BORCS5: variants seen among roughly 807,000 people sequenced by gnomAD.
BORCS5 encodes BLOC-1 related complex subunit 5.
Under a neutral mutation model 22.1 loss-of-function variants are expected in BORCS5, and 17 were observed. That is an observed-to-expected ratio of 0.77 (90% CI 0.53 to 1.15). BORCS5 has a LOEUF of 1.15. BORCS5 is among the 50% of genes most tolerant of loss of function. The pLI, the probability that BORCS5 is intolerant of heterozygous loss-of-function variation, is 0.00. For synonymous variants in BORCS5, 117 were observed against 99.8 expected, an observed-to-expected ratio of 1.17 and a Z score of -1.03; for missense variants, 247 against 253.2, an observed-to-expected ratio of 0.98 and a Z score of 0.17.
At chr12:12,455,162 C>T (rs1942975950) in intron 3 of BORCS5, among the ~76,000 whole-genome samples, 1 of 152,214 alleles carries the variant, frequency 6.6e-6, no homozygotes, top group African/African-American at 2.4e-5. Context: ...AATTACATAT[C>T]ACTGCCTGCT....
intron 3 of BORCS5, among the ~76,000 whole-genome samples, chr12:12,465,114 C>T (rs895164322): frequency 2.0e-5 from 3 of 152,062 alleles, no homozygotes; most frequent in Admixed American, 1.3e-4. Context: ...TGGGATTACA[C>T]GCACACACCA....
intron 3 of BORCS5, among the ~76,000 whole-genome samples, chr12:12,444,841 G>C (rs1942752163): frequency 6.6e-6 from 1 of 152,170 alleles, no homozygotes; most frequent in African/African-American, 2.4e-5. Flanking sequence ...TTTTAGAGCA[G>C]GGTTGTCCAA....
At chr12:12,385,182 G>T (rs1863854658) in intron 2 of BORCS5, among the ~76,000 whole-genome samples, 1 of 151,486 alleles carries the variant, frequency 6.6e-6, no homozygotes, top group Non-Finnish European at 1.5e-5. Flanking sequence ...CACGTGACTG[G>T]TTGCACCCTT....
intron 2 of BORCS5, among the ~76,000 whole-genome samples, chr12:12,409,092 A>AT (rs34266185): frequency 6.2e-4 from 93 of 149,974 alleles, no homozygotes; most frequent in African/African-American, 2.0e-3. Context: ...CTTTGCCATC[A>AT]TTTTTTTTTG....
In BORCS5 at chr12:12,362,636, C is replaced by CTTTTTTT. The variant is rs71436712; in HGVS notation, c.202+1307_202+1313dup. On this transcript the variant is annotated intron_variant, in intron 2 of 3. Coordinates refer to ENST00000314565, the MANE Select transcript of BORCS5 (RefSeq NM_058169.6). ...CAACACATTATATCATGTTACTCATCTTTTTTTTTTTTTTTTTTTTTTTTT... is the reference window on the plus strand; with the variant it reads ...CAACACATTATATCATGTTACTCATCTTTTTTTTTTTTTTTTTTTTTTTTTTTTTTTT... Among the ~76,000 whole-genome samples the CTTTTTTT allele has an allele frequency of 2.0e-3, 117 of 57,572 alleles. 21 individuals are homozygous for CTTTTTTT. Among genetic ancestry groups the CTTTTTTT allele is most frequent in the Non-Finnish European group, 3.0e-3 (87 of 29,468 alleles). The allele number at this position is 57,572 out of a possible 152,430, so 37.8% of individuals were successfully genotyped here.
chr12:12,411,930 A>G (rs2136086930), intron 2 of BORCS5, among the ~76,000 whole-genome samples: 1 of 152,234 alleles, frequency 6.6e-6, no homozygotes, highest in East Asian at 1.9e-4. Context: ...CAACAATCAT[A>G]TGACTTTATA....
chr12:12,364,526 A>G (rs1160501565), intron 2 of BORCS5, among the ~76,000 whole-genome samples: 1 of 152,236 alleles, frequency 6.6e-6, no homozygotes, highest in South Asian at 2.1e-4. Flanking sequence ...TGGCAGAGGC[A>G]GAAGAAAATC....
At chr12:12,449,249 A>G (rs1942856848) in intron 3 of BORCS5, among the ~76,000 whole-genome samples, 1 of 152,118 alleles carries the variant, frequency 6.6e-6, no homozygotes, top group South Asian at 2.1e-4. Context: ...TTGGTTACAG[A>G]CGGGGCCTTT....
At chr12:12,381,288 A>G (rs1863770346) in intron 2 of BORCS5, among the ~76,000 whole-genome samples, 1 of 151,334 alleles carries the variant, frequency 6.6e-6, no homozygotes, top group South Asian at 2.1e-4. Flanking sequence ...CAGTGTATCA[A>G]TATTTTTAAT....
chr12:12,375,610 C>G (rs888570035), intron 2 of BORCS5, among the ~76,000 whole-genome samples: 2 of 152,130 alleles, frequency 1.3e-5, no homozygotes, highest in African/African-American at 4.8e-5. Flanking sequence ...CAGAGTGAGA[C>G]CCTGTCTCTG....
At chr12:12,458,578 C>CTTTTT (rs57810545) in intron 3 of BORCS5, among the ~76,000 whole-genome samples, 5 of 139,654 alleles carry the variant, frequency 3.6e-5, no homozygotes, top group African/African-American at 8.0e-5. Context: ...CTTTTCTTTC[C>CTTTTT]TTTTTTTTTT....
Position 12,367,097 on chromosome 12 carries a change from C to G in BORCS5, c.202+5748C>G, listed in dbSNP as rs1251830165. Reference sequence around the variant, plus strand: ...GAGCCTGGGGCTTTTCATAGTGGAGCGAAATCTCATGGAACAGCAGTGAAA... The same window carrying G: ...GAGCCTGGGGCTTTTCATAGTGGAGGGAAATCTCATGGAACAGCAGTGAAA... On this transcript the variant is annotated intron_variant, in intron 2 of 3. Transcript: ENST00000314565. Among the ~76,000 whole-genome samples, 3 of 151,952 alleles carry G rather than the reference C, an allele frequency of 2.0e-5. No individual in the cohort carries two copies. The East Asian group carries it at 5.8e-4, about 29-fold the overall frequency.
At chr12:12,357,958 A>C (rs1863184643) in intron 1 of BORCS5, among the ~76,000 whole-genome samples, 3 of 152,144 alleles carry the variant, frequency 2.0e-5, no homozygotes, top group African/African-American at 7.2e-5. Flanking sequence ...CTTTAGTGCA[A>C]AGGTCTCCAG....
At chr12:12,464,392 C>T (rs1289438273) in intron 3 of BORCS5, among the ~76,000 whole-genome samples, 1 of 152,104 alleles carries the variant, frequency 6.6e-6, no homozygotes. Context: ...GGCTTTGGTC[C>T]CCCGTGTTTT....
chr12:12,435,703 G>GC lies in BORCS5; in HGVS notation c.280dup (p.Leu94ProfsTer17). On this transcript the variant is annotated frameshift_variant, in exon 3 of 4. Coordinates refer to ENST00000314565, the MANE Select transcript of BORCS5 (RefSeq NM_058169.6). LOFTEE classifies it high-confidence loss of function. Reference sequence around the variant, plus strand: ...GACTCTCAGCAGGTGTTGCAGCTCTGCCTCCGATATCAAGATCACCTGCAT... The same window carrying GC: ...GACTCTCAGCAGGTGTTGCAGCTCTGCCCTCCGATATCAAGATCACCTGCAT... 6.2e-7 allele frequency: 1 copy of GC among 1,614,028 alleles called. No homozygotes were observed. Among genetic ancestry groups the GC allele is most frequent in the Non-Finnish European group, 8.5e-7 (1 of 1,179,976 alleles).
intron 2 of BORCS5, among the ~76,000 whole-genome samples, chr12:12,388,804 A>G (rs1263192815): frequency 1.3e-5 from 2 of 151,278 alleles, no homozygotes; most frequent in East Asian, 3.8e-4. Flanking sequence ...AGATTGAAAC[A>G]GAACATCAAG....
intron 2 of BORCS5, among the ~76,000 whole-genome samples, chr12:12,362,266 G>T (rs981657535): frequency 3.9e-5 from 6 of 152,148 alleles, no homozygotes; most frequent in Non-Finnish European, 8.8e-5. Flanking sequence ...GGTTGTACTT[G>T]AACCTTCTTC....
chr12:12,430,467 A>G (rs1232932749), intron 2 of BORCS5, among the ~76,000 whole-genome samples: 2 of 151,988 alleles, frequency 1.3e-5, no homozygotes, highest in East Asian at 3.9e-4. Flanking sequence ...ATGTTTTAAG[A>G]TGTGTTCGGC....
Position 12,388,442 on chromosome 12 carries a change from G to T in BORCS5, c.202+27093G>T, listed in dbSNP as rs1193163184. Among the ~76,000 whole-genome samples the T allele has an allele frequency of 2.0e-5, 3 of 151,372 alleles. 1 individual carries two copies. Among genetic ancestry groups the T allele is most frequent in the Admixed American group, 1.3e-4 (2 of 15,170 alleles). On this transcript the variant is annotated intron_variant, in intron 2 of 3. Transcript: ENST00000314565. ...CAACAAAAAGGAACTGCTGGCCGAGGATAGTTAATATTCAAAAGCAAAAGA... is the reference window on the plus strand; with the variant it reads ...CAACAAAAAGGAACTGCTGGCCGAGTATAGTTAATATTCAAAAGCAAAAGA...
Sources: allele counts gnomAD v4.1 joint callset (sites outside exome capture counted in the v4.1 genomes callset), GRCh38; gene constraint gnomAD v4.1.1; transcripts MANE v1.5; gene names NCBI Gene and HGNC (gene_info 2026-07-23, HGNC 2026-07-21).